Variants in PPP1R3E observed in about 807,000 individuals in gnomAD.
The protein encoded by PPP1R3E is protein phosphatase 1 regulatory subunit 3E, also known as protein phosphatase 1, regulatory (inhibitor) subunit 3E.
PPP1R3E carries 20 observed loss-of-function variants against 18.5 expected under a neutral mutation model. The ratio of observed to expected loss-of-function variants is 1.08; its 90% CI spans 0.76 to 1.58. The LOEUF (loss-of-function observed/expected upper bound fraction) is 1.58. PPP1R3E is among the 40% of genes most tolerant of loss of function. The pLI is 0.00. For synonymous variants in PPP1R3E, 208 were observed against 208.1 expected (o/e 1.00, Z 0.00); for missense variants, 498 against 460.2 (o/e 1.08, Z -0.75).
rs1467202506 is a variant in PPP1R3E, at chr14:23,302,328, G to GT, written c.248dup (p.Asp83GlufsTer26). On this transcript the variant is annotated frameshift_variant, in exon 1 of 5. Coordinates refer to ENST00000452015, the MANE Select transcript of PPP1R3E (RefSeq NM_001276318.2). LOFTEE classifies it high-confidence loss of function. Reference sequence around the variant, plus strand: ...CGGCGAAACGCACTCTCTTGCGGGTGTCTGGGCTACGGCTGCGGGGCGCCC... The same window carrying GT: ...CGGCGAAACGCACTCTCTTGCGGGTGTTCTGGGCTACGGCTGCGGGGCGCCC... 5.3e-6 allele frequency: 8 copies of GT among 1,513,106 alleles called. No individual in the cohort carries two copies. The allele number at this position is 1,513,106 out of a possible 1,614,324, so 93.7% of individuals were successfully genotyped here. A position where few individuals can be genotyped will look rare whatever the true frequency, so the allele number is the denominator to read the frequency against.
Position 23,302,211 on chromosome 14 carries a change from C to A in PPP1R3E, c.366G>T (p.Arg122Ser). ...AGGGCGCGAAGTGGCGGAGGGCGTC[C>A]CTCTGCAATTGGATCTGCACGTGGC... Reference protein sequence around the residue: ...VPRHVQIQLQRDALRHFAPCQ... With the variant: ...VPRHVQIQLQSDALRHFAPCQ... The change falls in exon 1 of 5, where the codon AGG (arginine) becomes AGT (serine). Residue 122 changes from arginine to serine, a missense_variant. Transcript: ENST00000452015. 6.8e-7 allele frequency: 1 copy of A among 1,472,728 alleles called. No homozygotes were observed. The highest frequency in any genetic ancestry group is 1.3e-5 in the South Asian group (1 of 76,024). The allele number at this position is 1,472,728 out of a possible 1,614,324, so 91.2% of individuals were successfully genotyped here.
At position 23,302,177 on chromosome 14, in the gene PPP1R3E, G is replaced by C. The variant is rs767397506; in HGVS notation, c.400C>G (p.Arg134Gly). Reference sequence around the variant, plus strand: ...CCGCCTACCTGGAGGCCGCGGGCGCGGGGCTGGCAGGGCGCGAAGTGGCGG... The same window carrying C: ...CCGCCTACCTGGAGGCCGCGGGCGCCGGGCTGGCAGGGCGCGAAGTGGCGG... ...ALRHFAPCQPRARGLQEARAA... is the reference protein window; with the variant it reads ...ALRHFAPCQPGARGLQEARAA... Residue 134 changes from arginine (R) to glycine (G), a missense_variant, in exon 1 of 5, where the codon CGC (arginine) becomes GGC (glycine). Coordinates refer to ENST00000452015, the MANE Select transcript of PPP1R3E (RefSeq NM_001276318.2). 2.8e-6 allele frequency: 4 copies of C among 1,419,758 alleles called. No individual in the cohort carries two copies. Among genetic ancestry groups the C allele is most frequent in the South Asian group, 3.0e-5 (2 of 67,766 alleles). The allele number at this position is 1,419,758 out of a possible 1,614,324, so 87.9% of individuals were successfully genotyped here.
At position 23,298,391 on chromosome 14, in the gene PPP1R3E, T is replaced by G. The variant is rs1886937333; in HGVS notation, c.*913A>C. 6.6e-6 allele frequency: 1 copy of G among 152,428 alleles called. No homozygotes were observed. The highest frequency in any genetic ancestry group is 1.5e-5 in the Non-Finnish European group (1 of 68,216). 9.4% of individuals were successfully genotyped at this position (152,428 alleles called of 1,614,324 possible). A position where few individuals can be genotyped will look rare whatever the true frequency, so the allele number is the denominator to read the frequency against. ...AGATTCCCTGGGTTCACAATCCTAC[T>G]TCTGCCATTTACTAGCTGTGCGATC... On this transcript the variant is annotated 3_prime_UTR_variant, in exon 5 of 5. Transcript: ENST00000452015.
rs1468621587 is a variant in PPP1R3E at position 23,301,821 on chromosome 14, C to G, written c.455G>C (p.Gly152Ala). The change falls in exon 2 of 5, where the codon GGC (glycine) becomes GCC (alanine). Residue 152 changes from glycine to alanine, a missense_variant. Gly to Ala is a moderately conservative substitution (Grantham distance 60). Coordinates refer to ENST00000452015, the MANE Select transcript of PPP1R3E (RefSeq NM_001276318.2). Reference protein sequence around the residue: ...RAALEPASEPGFAARLLTQRI... With the variant: ...RAALEPASEPAFAARLLTQRI... Reference sequence around the variant, plus strand: ...CTGCGTCAGCAAGCGGGCGGCGAAGCCGGGCTCGCTGGCCGGCTCCAGGGC... The same window carrying G: ...CTGCGTCAGCAAGCGGGCGGCGAAGGCGGGCTCGCTGGCCGGCTCCAGGGC... 6.8e-7 allele frequency: 1 copy of G among 1,471,252 alleles called. No homozygotes were observed. Among genetic ancestry groups the G allele is most frequent in the Non-Finnish European group, 8.9e-7 (1 of 1,119,734 alleles). The allele number at this position is 1,471,252 out of a possible 1,614,324, so 91.1% of individuals were successfully genotyped here. A position where few individuals can be genotyped will look rare whatever the true frequency, so the allele number is the denominator to read the frequency against.
rs900592056 is a variant in PPP1R3E, at chr14:23,302,419, G to A, written c.158C>T (p.Ser53Phe). Residue 53 changes from serine (S) to phenylalanine (F), a missense_variant, in exon 1 of 5, where the codon TCC (serine) becomes TTC (phenylalanine). Transcript: ENST00000452015. Reference sequence around the variant, plus strand: ...GCCCCGACTCGGTGCGTGAGCGCGGGATCGGGCCCCGAACCGCGTCCCGCC... The same window carrying A: ...GCCCCGACTCGGTGCGTGAGCGCGGAATCGGGCCCCGAACCGCGTCCCGCC... ...GEGGTRFGAR[S>F]RAHAPSRGRR... is the part of the protein sequence containing the mutation. 6.9e-5 allele frequency: 103 copies of A among 1,495,072 alleles called. No individual in the cohort carries two copies. The highest frequency in any genetic ancestry group is 8.5e-5 in the Non-Finnish European group (96 of 1,132,404). The allele number at this position is 1,495,072 out of a possible 1,614,324, so 92.6% of individuals were successfully genotyped here.
rs2138411756 is a variant in PPP1R3E, at chr14:23,301,781, T to A, written c.495A>T (p.Glu165Asp). Residue 165 changes from glutamate (E) to aspartate (D), a missense_variant, in exon 2 of 5, where the codon GAA becomes GAT. Physicochemically the swap from Glu to Asp is conservative, Grantham distance 45. Coordinates refer to ENST00000452015, the MANE Select transcript of PPP1R3E (RefSeq NM_001276318.2). ...ARLLTQRICL[E>D]RAEAGPLGVA... ...CGCCCAGCGGGCCCGCCTCGGCGCG[T>A]TCCAGGCAGATGCGCTGCGTCAGCA... The A allele has an allele frequency of 6.8e-7, 1 of 1,463,006 alleles. No homozygotes were observed. The highest frequency in any genetic ancestry group is 3.0e-5 in the East Asian group (1 of 33,060). 90.6% of individuals were successfully genotyped at this position (1,463,006 alleles called of 1,614,324 possible).
rs1886915934 is a variant in PPP1R3E, at chr14:23,297,712, C to T, written c.*1592G>A. 6.6e-6 allele frequency: 1 copy of T among 152,264 alleles called. No homozygotes were observed. The highest frequency in any genetic ancestry group is 2.4e-5 in the African/African-American group (1 of 41,452). 9.4% of individuals were successfully genotyped at this position (152,264 alleles called of 1,614,324 possible). A position where few individuals can be genotyped will look rare whatever the true frequency, so the allele number is the denominator to read the frequency against. ...GCCTAAGAAGTAGCTCAGCCAGACC[C>T]AGCCTTGAGGCAGTGGGGCAACTAA... is the stretch of plus-strand genomic sequence containing the variant. On this transcript the variant is annotated 3_prime_UTR_variant, in exon 5 of 5. Transcript: ENST00000452015.
Position 23,295,897 on chromosome 14 carries a change from T to C in PPP1R3E, c.*3407A>G, listed in dbSNP as rs1190522086. 6.5e-6 allele frequency: 1 copy of C among 152,998 alleles called. No homozygotes were observed. Among genetic ancestry groups the C allele is most frequent in the South Asian group, 2.0e-4 (1 of 5,018 alleles). 9.5% of individuals were successfully genotyped at this position (152,998 alleles called of 1,614,324 possible). Reference sequence around the variant, plus strand: ...CCCTTAGCCCAAAACACACAATACTTCTGAATATCTTATGACATACTTTCT... The same window carrying C: ...CCCTTAGCCCAAAACACACAATACTCCTGAATATCTTATGACATACTTTCT... On this transcript the variant is annotated 3_prime_UTR_variant, in exon 5 of 5. Coordinates refer to ENST00000452015, the MANE Select transcript of PPP1R3E (RefSeq NM_001276318.2).
At position 23,301,837 on chromosome 14, in the gene PPP1R3E, G is replaced by A; in HGVS notation, c.439C>T (p.Pro147Ser). Residue 147 changes from proline to serine, a missense_variant, in exon 2 of 5, where the codon CCG (proline) becomes TCG (serine). Coordinates refer to ENST00000452015, the MANE Select transcript of PPP1R3E (RefSeq NM_001276318.2). ...GLQEARAALEPASEPGFAARL... is the reference protein window; with the variant it reads ...GLQEARAALESASEPGFAARL... ...GCGGCGAAGCCGGGCTCGCTGGCCG[G>A]CTCCAGGGCGGCGCGCGCCTCCTGG... 2.0e-6 allele frequency: 3 copies of A among 1,463,970 alleles called. No individual in the cohort carries two copies. Among genetic ancestry groups the A allele is most frequent in the Non-Finnish European group, 2.7e-6 (3 of 1,116,556 alleles). 90.7% of individuals were successfully genotyped at this position (1,463,970 alleles called of 1,614,324 possible).
At position 23,302,377 on chromosome 14, in the gene PPP1R3E, G is replaced by A; in HGVS notation, c.200C>T (p.Ala67Val). ...CCGGGCCCCGCCGCCTCCGGCTGGTGCAGATCGGGCCCGGCGGCCCCGACT... is the reference window on the plus strand; with the variant it reads ...CCGGGCCCCGCCGCCTCCGGCTGGTACAGATCGGGCCCGGCGGCCCCGACT... ...APSRGRRARSAPAGGGGARAP... is the reference protein window; with the variant it reads ...APSRGRRARSVPAGGGGARAP... The change falls in exon 1 of 5, where the codon GCA becomes GTA. Residue 67 changes from alanine (A) to valine (V), a missense_variant. Physicochemically the swap from Ala to Val is moderately conservative, Grantham distance 64 (BLOSUM62 0). Coordinates refer to ENST00000452015, the MANE Select transcript of PPP1R3E (RefSeq NM_001276318.2). 6.7e-7 allele frequency: 1 copy of A among 1,496,548 alleles called. No homozygotes were observed. Among genetic ancestry groups the A allele is most frequent in the Non-Finnish European group, 8.8e-7 (1 of 1,133,172 alleles). The allele number at this position is 1,496,548 out of a possible 1,614,324, so 92.7% of individuals were successfully genotyped here.
Position 23,302,606 on chromosome 14 carries a change from G to T in PPP1R3E, c.-30C>A. 4 of 1,401,374 alleles carry T rather than the reference G, an allele frequency of 2.9e-6. No homozygotes were observed. The highest frequency in any genetic ancestry group is 2.8e-6 in the Non-Finnish European group (3 of 1,087,524). The allele number at this position is 1,401,374 out of a possible 1,614,324, so 86.8% of individuals were successfully genotyped here. ...GCCCCTTCCCCGGCGGGGCCAGCTC[G>T]CAGCGCCACCGCGCTCCCCTCTCTT... is the stretch of plus-strand genomic sequence containing the variant. On this transcript the variant is annotated 5_prime_UTR_variant, in exon 1 of 5. Coordinates refer to ENST00000452015, the MANE Select transcript of PPP1R3E (RefSeq NM_001276318.2).
At chr14:23,302,052 G>A in intron 1 of PPP1R3E, 108 bp downstream of exon 1, 1 of 1,295,202 alleles carries the variant, frequency 7.7e-7, no homozygotes, top group East Asian at 3.0e-5. Context: ...GCAGGCGCAA[G>A]CCCAGGGATG....
rs998940890 is a variant in PPP1R3E, at chr14:23,295,811, A to G, written c.*3493T>C. The G allele has an allele frequency of 6.5e-6, 1 of 154,628 alleles. No individual in the cohort carries two copies. The highest frequency in any genetic ancestry group is 1.4e-5 in the Non-Finnish European group (1 of 69,464). The allele number at this position is 154,628 out of a possible 1,614,324, so 9.6% of individuals were successfully genotyped here. On this transcript the variant is annotated 3_prime_UTR_variant, in exon 5 of 5. Transcript: ENST00000452015. ...AAATTTTTCTGGACACACACACACA[A>G]AAAACAAGGTGACCAAGAAATTGAG... is the stretch of plus-strand genomic sequence containing the variant.
At position 23,302,251 on chromosome 14, in the gene PPP1R3E, A is replaced by T. The variant is rs1169496045; in HGVS notation, c.326T>A (p.Leu109Gln). The T allele has an allele frequency of 3.9e-6, 6 of 1,519,008 alleles. No homozygotes were observed. The highest frequency in any genetic ancestry group is 5.3e-6 in the Non-Finnish European group (6 of 1,141,090). The allele number at this position is 1,519,008 out of a possible 1,614,324, so 94.1% of individuals were successfully genotyped here. A position where few individuals can be genotyped will look rare whatever the true frequency, so the allele number is the denominator to read the frequency against. ...AVVRRFRPGE[L>Q]PRVPRHVQIQ... is the part of the protein sequence containing the mutation. Reference sequence around the variant, plus strand: ...CTGCACGTGGCGGGGCACCCGGGGCAGCTCACCGGGACGGAAGCGGCGCAC... The same window carrying T: ...CTGCACGTGGCGGGGCACCCGGGGCTGCTCACCGGGACGGAAGCGGCGCAC... The change falls in exon 1 of 5, where the codon CTG becomes CAG. Residue 109 changes from leucine to glutamine, a missense_variant. Physicochemically the swap from Leu to Gln is moderately radical, Grantham distance 113. Coordinates refer to ENST00000452015, the MANE Select transcript of PPP1R3E (RefSeq NM_001276318.2).
intron 3 of PPP1R3E, among the ~76,000 whole-genome samples, chr14:23,299,934 T>TGG (rs1566457841): frequency 9.4e-6 from 1 of 105,906 alleles, no homozygotes; most frequent in Non-Finnish European, 1.7e-5. Flanking sequence ...TTTGTTTTTT[T>TGG]TTTTTTTTTT....
Position 23,296,761 on chromosome 14 carries a change from G to C in PPP1R3E, c.*2543C>G, listed in dbSNP as rs1005414927. The stretch of plus-strand genomic sequence containing the variant: ...CTGCTAGAGTCATTTCTCACCTCTG[G>C]ACCTGTGTTCTCATCTGTAAAGGAG... On this transcript the variant is annotated 3_prime_UTR_variant, in exon 5 of 5. Coordinates refer to ENST00000452015, the MANE Select transcript of PPP1R3E (RefSeq NM_001276318.2). 1 of 152,142 alleles carries C rather than the reference G, an allele frequency of 6.6e-6. No individual in the cohort carries two copies. The highest frequency in any genetic ancestry group is 6.5e-5 in the Admixed American group (1 of 15,270). The allele number at this position is 152,142 out of a possible 1,614,324, so 9.4% of individuals were successfully genotyped here.
chr14:23,296,271 A>G lies in PPP1R3E; in HGVS notation c.*3033T>C, dbSNP rs934432413. 1.3e-5 allele frequency: 2 copies of G among 152,228 alleles called. No homozygotes were observed. Among genetic ancestry groups the G allele is most frequent in the African/African-American group, 4.8e-5 (2 of 41,448 alleles). 9.4% of individuals were successfully genotyped at this position (152,228 alleles called of 1,614,324 possible). The stretch of plus-strand genomic sequence containing the variant: ...TGTTTCTCTTTATGCCTGGATGGGG[A>G]AAGGAATGGAAACTAATAGCAGAAA... On this transcript the variant is annotated 3_prime_UTR_variant, in exon 5 of 5. Transcript: ENST00000452015.
chr14:23,299,932 T>TTTTG (rs1566457822), intron 3 of PPP1R3E, among the ~76,000 whole-genome samples: 4 of 107,790 alleles, frequency 3.7e-5, no homozygotes, highest in African/African-American at 2.9e-4. Context: ...TTTTTGTTTT[T>TTTTG]TTTTTTTTTT....
intron 1 of PPP1R3E, 113 bp from the exon 2 acceptor site, chr14:23,301,971 G>A (rs1887057396): frequency 2.3e-6 from 3 of 1,289,844 alleles, no homozygotes; most frequent in Non-Finnish European, 3.0e-6. Flanking sequence ...CGGCGTCCAG[G>A]CCGGCAGAGT....
Sources: allele counts gnomAD v4.1 joint callset (sites outside exome capture counted in the v4.1 genomes callset), GRCh38; gene constraint gnomAD v4.1.1; transcripts MANE v1.5; gene names NCBI Gene and HGNC (gene_info 2026-07-23, HGNC 2026-07-21).